RBM26: variants seen among roughly 807,000 people sequenced by gnomAD.
RBM26 encodes the protein RNA-binding protein 26.
Under a neutral mutation model 123.6 loss-of-function variants are expected in RBM26, and 30 were observed. The observed-to-expected ratio is 0.24, with a 90% CI of 0.18 to 0.33. The LOEUF is 0.33. Among genes scored for constraint, RBM26 ranks in the 10% least tolerant of loss-of-function variants. The probability of loss-of-function intolerance (pLI) is 1.00; values close to 1 mark genes in which losing one functional copy is unlikely to be tolerated. For synonymous variants in RBM26, 400 were observed against 404.4 expected, an observed-to-expected ratio of 0.99 and a Z score of 0.13; for missense variants, 947 against 1,203.6, an observed-to-expected ratio of 0.79 and a Z score of 3.15.
intron 1 of RBM26, among the ~76,000 whole-genome samples, chr13:79,404,159 T>C (rs2079301887): frequency 6.6e-6 from 1 of 152,212 alleles, no homozygotes; most frequent in Admixed American, 6.5e-5. Context: ...TCATACTTAC[T>C]GTATTTATTA....
intron 9 of RBM26, among the ~76,000 whole-genome samples, chr13:79,363,712 C>T (rs1046328024): frequency 6.6e-6 from 1 of 152,100 alleles, no homozygotes; most frequent in African/African-American, 2.4e-5. Context: ...CCAACTTGTA[C>T]ATGGTAAGAT....
chr13:79,370,713 T>C (rs1302446220), intron 5 of RBM26, among the ~76,000 whole-genome samples: 2 of 152,226 alleles, frequency 1.3e-5, no homozygotes, highest in Non-Finnish European at 2.9e-5. Flanking sequence ...CAACATGGAA[T>C]AGAATCAGTC....
Position 79,319,789 on chromosome 13 carries a change from G to A in RBM26, c.*832C>T. 1.0e-6 allele frequency: 1 copy of A among 977,518 alleles called. No homozygotes were observed. Among genetic ancestry groups the A allele is most frequent in the Non-Finnish European group, 1.2e-6 (1 of 823,164 alleles). The allele number at this position is 977,518 out of a possible 1,614,324, so 60.6% of individuals were successfully genotyped here. On this transcript the variant is annotated 3_prime_UTR_variant, in exon 22 of 22. Coordinates refer to ENST00000438737, the MANE Select transcript of RBM26 (RefSeq NM_001366735.2). ...ACATTGGATTGTACATTATTGTAAG[G>A]GTACCAGTAACCATTATTATTAAGA... is the stretch of plus-strand genomic sequence containing the variant.
At chr13:79,397,658 G>A (rs1304536554) in intron 1 of RBM26, among the ~76,000 whole-genome samples, 1 of 123,264 alleles carries the variant, frequency 8.1e-6, no homozygotes, top group African/African-American at 3.2e-5. Context: ...ATCCAGCCTG[G>A]GCAACAAACC....
intron 1 of RBM26, among the ~76,000 whole-genome samples, chr13:79,395,830 A>G (rs575370348): frequency 6.6e-6 from 1 of 152,296 alleles, no homozygotes; most frequent in East Asian, 1.9e-4. Flanking sequence ...TAAAACATAC[A>G]TGAGATTTTC....
intron 10 of RBM26, 60 bp downstream of exon 10, chr13:79,359,515 C>A: frequency 1.3e-6 from 1 of 798,254 alleles, no homozygotes; most frequent in South Asian, 1.5e-5. Context: ...CATAATAATA[C>A]AGAAATGATC....
chr13:79,337,001 T>C, intron 19 of RBM26, 101 bp downstream of exon 19: 1 of 1,101,644 alleles, frequency 9.1e-7, no homozygotes, highest in Non-Finnish European at 1.3e-6. Flanking sequence ...GATTAACGAG[T>C]TGAAATTACT....
At chr13:79,356,942 T>C (rs1020629806) in intron 11 of RBM26, among the ~76,000 whole-genome samples, 3 of 152,192 alleles carry the variant, frequency 2.0e-5, no homozygotes, top group Admixed American at 6.5e-5. Context: ...TGACTAGATA[T>C]AGTGGTAGAT....
intron 10 of RBM26, among the ~76,000 whole-genome samples, chr13:79,359,289 A>G (rs2074386893): frequency 1.3e-5 from 2 of 152,146 alleles, no homozygotes; most frequent in Admixed American, 1.3e-4. Context: ...TATCCTGTAT[A>G]TAGCTAGTAT....
chr13:79,391,397 T>C (rs765132238), intron 1 of RBM26, among the ~76,000 whole-genome samples: 20 of 152,352 alleles, frequency 1.3e-4, no homozygotes, highest in Admixed American at 4.6e-4. Context: ...AAAGGATAAA[T>C]TCAACTACAT....
chr13:79,359,323 G>A (rs2074391093), intron 10 of RBM26, among the ~76,000 whole-genome samples: 1 of 152,054 alleles, frequency 6.6e-6, no homozygotes, highest in Non-Finnish European at 1.5e-5. Context: ...GTTAAAGAGT[G>A]GGTTTTTTGG....
rs2077650159 is a variant in RBM26, at chr13:79,388,241, AT to A, written c.72-9335del. 2.0e-5 allele frequency among the ~76,000 whole-genome samples: 3 copies of A among 152,324 alleles called. No homozygotes were observed. In the South Asian group the frequency reaches 6.2e-4, roughly 32 times the overall value. On this transcript the variant is annotated intron_variant, in intron 1 of 21. Transcript: ENST00000438737. ...CTCCCCAGTAGCTGGGATTACAGGC[AT>A]GTACCACCACGTCTGGCTAATTTTT...
chr13:79,351,479 C>T (rs2073208327), intron 14 of RBM26, among the ~76,000 whole-genome samples: 1 of 151,442 alleles, frequency 6.6e-6, no homozygotes, highest in Non-Finnish European at 1.5e-5. Flanking sequence ...AATTTAGTAG[C>T]ACAGACTAAG....
chr13:79,324,348 G>T (rs2068072659), intron 20 of RBM26, among the ~76,000 whole-genome samples: 1 of 151,552 alleles, frequency 6.6e-6, no homozygotes, highest in South Asian at 2.1e-4. Context: ...TTTCTTGAAT[G>T]GCCATATATA....
chr13:79,392,347 T>C (rs922138495), intron 1 of RBM26, among the ~76,000 whole-genome samples: 75 of 143,430 alleles, frequency 5.2e-4, no homozygotes, highest in African/African-American at 1.8e-3. Context: ...AATTACATTA[T>C]ATATTATTTA....
chr13:79,338,443 GA>G (rs2070829396), intron 18 of RBM26, among the ~76,000 whole-genome samples: 1 of 151,904 alleles, frequency 6.6e-6, no homozygotes, highest in South Asian at 2.1e-4. Context: ...GAGGAGCAAA[GA>G]AAAAAGGCAA....
chr13:79,370,946 C>G lies in RBM26; in HGVS notation c.633G>C (p.Arg211Ser). ...RTRSRSRTRS[R>S]ERDLVKPKYD... ...AGATAACCAAAATATATTATTTACC[C>G]CTGCTTCGTGTTCTGCTTCTGCTTC... is the stretch of plus-strand genomic sequence containing the variant. Residue 211 changes from arginine to serine, a missense_variant and splice_region_variant, in exon 5 of 22, where the codon AGG (arginine) becomes AGC (serine). Coordinates refer to ENST00000438737, the MANE Select transcript of RBM26 (RefSeq NM_001366735.2). 1 of 1,597,238 alleles carries G rather than the reference C, an allele frequency of 6.3e-7. No individual in the cohort carries two copies. Among genetic ancestry groups the G allele is most frequent in the Non-Finnish European group, 8.6e-7 (1 of 1,164,894 alleles).
intron 20 of RBM26, among the ~76,000 whole-genome samples, chr13:79,332,723 T>A (rs1366257687): frequency 6.6e-6 from 1 of 152,120 alleles, no homozygotes; most frequent in Non-Finnish European, 1.5e-5. Context: ...AAGTCTTCCT[T>A]ATACATTAAT....
intron 1 of RBM26, among the ~76,000 whole-genome samples, chr13:79,395,930 G>C (rs999410641): frequency 8.3e-5 from 10 of 120,642 alleles, no homozygotes; most frequent in Non-Finnish European, 1.6e-4. Flanking sequence ...AAATTTTGAA[G>C]ACATAGTGAC....
Sources: allele counts gnomAD v4.1 joint callset (sites outside exome capture counted in the v4.1 genomes callset), GRCh38; gene constraint gnomAD v4.1.1; transcripts MANE v1.5; gene names NCBI Gene and HGNC (gene_info 2026-07-23, HGNC 2026-07-21).